TMEM178B: variants seen among roughly 807,000 people sequenced by gnomAD.
The protein encoded by TMEM178B is transmembrane protein 178B.
TMEM178B carries 5 observed loss-of-function variants against 31.0 expected under a neutral mutation model. The ratio of observed to expected loss-of-function variants is 0.16; its 90% confidence interval spans 0.08 to 0.34. The LOEUF (loss-of-function observed/expected upper bound fraction) is 0.34, where lower values mean the gene tolerates loss of function less well. Among genes scored for constraint, TMEM178B ranks in the 10% least tolerant of loss-of-function variants. The probability of loss-of-function intolerance (pLI) is 1.00; values close to 1 mark genes in which losing one functional copy is unlikely to be tolerated. For missense variants in TMEM178B, 275 were observed against 400.3 expected (o/e 0.69, Z 2.67); for synonymous variants, 164 against 164.0 (o/e 1.00, Z 0.00).
intron 1 of TMEM178B, among the ~76,000 whole-genome samples, chr7:141,115,666 C>T (rs928232570): frequency 6.6e-6 from 1 of 152,124 alleles, no homozygotes; most frequent in African/African-American, 2.4e-5. Context: ...AGTTCCCTGG[C>T]TCAGTCGACT....
intron 2 of TMEM178B, among the ~76,000 whole-genome samples, chr7:141,255,662 G>C (rs1797915632): frequency 6.6e-6 from 1 of 151,290 alleles, no homozygotes; most frequent in South Asian, 2.1e-4. Context: ...TTTTTTTCAG[G>C]GTGAGTAAAA....
intron 2 of TMEM178B, among the ~76,000 whole-genome samples, chr7:141,245,813 C>T (rs947613923): frequency 1.3e-5 from 2 of 152,120 alleles, no homozygotes; most frequent in Admixed American, 6.5e-5. Flanking sequence ...ATATTCTTTT[C>T]GTTGTGTAAG....
At chr7:141,271,468 T>C (rs953028218) in intron 2 of TMEM178B, among the ~76,000 whole-genome samples, 1 of 152,178 alleles carries the variant, frequency 6.6e-6, no homozygotes, top group Non-Finnish European at 1.5e-5. Context: ...ATGGACTCCA[T>C]TTCTCATGCT....
At chr7:141,112,107 G>A (rs1369395898) in intron 1 of TMEM178B, among the ~76,000 whole-genome samples, 1 of 152,080 alleles carries the variant, frequency 6.6e-6, no homozygotes, top group African/African-American at 2.4e-5. Context: ...CTGTTCGCTG[G>A]TAGTCATGAA....
chr7:141,145,726 C>A (rs752751747), intron 1 of TMEM178B, among the ~76,000 whole-genome samples: 4 of 152,180 alleles, frequency 2.6e-5, no homozygotes, highest in Non-Finnish European at 5.9e-5. Flanking sequence ...GTTTTAGGCC[C>A]CCTTAATGCT....
intron 2 of TMEM178B, among the ~76,000 whole-genome samples, chr7:141,402,682 A>G (rs1287767711): frequency 6.6e-6 from 1 of 152,240 alleles, no homozygotes; most frequent in East Asian, 1.9e-4. Flanking sequence ...CAGATGGACT[A>G]GAAGAGATAG....
intron 1 of TMEM178B, among the ~76,000 whole-genome samples, chr7:141,095,869 G>A (rs752977282): frequency 1.6e-4 from 24 of 152,320 alleles, no homozygotes; most frequent in African/African-American, 5.5e-4. Flanking sequence ...GCTGCCTCAC[G>A]GTGCTGTGTT....
chr7:141,155,932 G>T (rs1005949075), intron 1 of TMEM178B, among the ~76,000 whole-genome samples: 1 of 152,144 alleles, frequency 6.6e-6, no homozygotes, highest in Non-Finnish European at 1.5e-5. Context: ...GGGCATGGTG[G>T]TGGGCACCTG....
At chr7:141,275,628 G>C (rs531791290) in intron 2 of TMEM178B, among the ~76,000 whole-genome samples, 1 of 152,204 alleles carries the variant, frequency 6.6e-6, no homozygotes, top group African/African-American at 2.4e-5. Flanking sequence ...TAAAGAAGTT[G>C]CAAACCTCTC....
chr7:141,229,337 C>T lies in TMEM178B; in HGVS notation c.496+16633C>T, dbSNP rs185970007. ...GGAAATTTGGGTCAGGCATTGTCAC[C>T]GAATGCTACTCTGGCAGCATGCATT... On this transcript the variant is annotated intron_variant, in intron 2 of 3. Coordinates refer to ENST00000565468, the MANE Select transcript of TMEM178B (RefSeq NM_001195278.2). Among the ~76,000 whole-genome samples the T allele has an allele frequency of 2.1e-3, 319 of 152,036 alleles. 1 individual carries two copies. Among genetic ancestry groups the T allele is most frequent in the Non-Finnish European group, 3.8e-3 (256 of 67,974 alleles).
chr7:141,384,872 T>A (rs1002801126), intron 2 of TMEM178B, among the ~76,000 whole-genome samples: 4 of 152,124 alleles, frequency 2.6e-5, no homozygotes, highest in African/African-American at 9.7e-5. Context: ...ACAGATCAAG[T>A]TCTAGAGATC....
chr7:141,489,618 C>G, the TMEM178B span, among the ~76,000 whole-genome samples: 5 of 152,088 alleles, frequency 3.3e-5, no homozygotes, highest in Non-Finnish European at 7.4e-5. Context: ...TCTCCCCAGT[C>G]CCTTCATGTG....
At chr7:141,375,872 G>A (rs1019561490) in intron 2 of TMEM178B, among the ~76,000 whole-genome samples, 2 of 152,166 alleles carry the variant, frequency 1.3e-5, no homozygotes, top group Admixed American at 6.5e-5. Flanking sequence ...GGCAAGCCTT[G>A]GGTGAACAAC....
chr7:141,273,101 T>C (rs550340838), intron 2 of TMEM178B, among the ~76,000 whole-genome samples: 3 of 152,336 alleles, frequency 2.0e-5, no homozygotes, highest in South Asian at 4.1e-4. Flanking sequence ...GGAGAACATA[T>C]GCTAGGTAAA....
chr7:141,142,856 T>C (rs4726329), intron 1 of TMEM178B, among the ~76,000 whole-genome samples: 147,510 of 152,382 alleles, frequency 0.97, 71,424 homozygotes, highest in East Asian at 1. Context: ...ATAAGCATTG[T>C]CTTTTCTCTG....
At chr7:141,484,569 T>G (rs1767518808), downstream of TMEM178B, among the ~76,000 whole-genome samples, 1 of 152,142 alleles carries the variant, frequency 6.6e-6, no homozygotes, top group Non-Finnish European at 1.5e-5. This position sits in a 1 kb window ranked among gnomAD's most constrained non-coding sequence, Gnocchi z 4.8. Context: ...TTTGTTTGTT[T>G]GTTTGTTTTT....
intron 2 of TMEM178B, among the ~76,000 whole-genome samples, chr7:141,252,894 C>T (rs1332562773): frequency 1.3e-5 from 2 of 152,240 alleles, no homozygotes; most frequent in African/African-American, 4.8e-5. Context: ...GCTCCATTCT[C>T]CTTGCCCTGT....
At chr7:141,243,273 G>A (rs1376789529) in intron 2 of TMEM178B, among the ~76,000 whole-genome samples, 1 of 151,916 alleles carries the variant, frequency 6.6e-6, no homozygotes, top group African/African-American at 2.4e-5. Flanking sequence ...CCTCTGGGAT[G>A]GTCACTTGTG....
At chr7:141,263,813 C>A (rs1312804520) in intron 2 of TMEM178B, among the ~76,000 whole-genome samples, 1 of 152,172 alleles carries the variant, frequency 6.6e-6, no homozygotes, top group Non-Finnish European at 1.5e-5. Context: ...ATTCAGAGGT[C>A]CCCAGGACCA....
Sources: allele counts gnomAD v4.1 joint callset (sites outside exome capture counted in the v4.1 genomes callset), GRCh38; gene constraint gnomAD v4.1.1; non-coding constraint Gnocchi (gnomAD v3.1); transcripts MANE v1.5; gene names NCBI Gene and HGNC (gene_info 2026-07-23, HGNC 2026-07-21).